UNC13A: variants seen among roughly 807,000 people sequenced by gnomAD.
UNC13A encodes unc-13 homolog A.
Under a neutral mutation model 219.7 loss-of-function variants are expected in UNC13A, and 61 were observed. The ratio of observed to expected loss-of-function variants is 0.28; its 90% CI spans 0.23 to 0.34. UNC13A has a LOEUF of 0.34. Among genes scored for constraint, UNC13A ranks in the 10% least tolerant of loss-of-function variants. The pLI is 1.00. For missense variants in UNC13A, 1,476 were observed against 2,270.3 expected (o/e 0.65, Z 7.11); for synonymous variants, 920 against 884.6 (o/e 1.04, Z -0.71).
At chr19:17,636,986 T>C (rs1325037165) in intron 25 of UNC13A, among the ~76,000 whole-genome samples, 1 of 152,042 alleles carries the variant, frequency 6.6e-6, no homozygotes, top group African/African-American at 2.4e-5. Context: ...TTTTTTTTTT[T>C]TCTTTCAAGA....
chr19:17,676,306 T>C, intron 1 of UNC13A: 1 of 600,392 alleles, frequency 1.7e-6, no homozygotes, highest in East Asian at 3.1e-5. Flanking sequence ...ATCAGACAGA[T>C]GAGCACAGGC....
At position 17,609,948 on chromosome 19, in the gene UNC13A, G is replaced by A. The variant is rs371037649; in HGVS notation, c.4803C>T (p.Ser1601=). 340 of 1,613,552 alleles carry A rather than the reference G, an allele frequency of 2.1e-4. No homozygotes were observed. Among genetic ancestry groups the A allele is most frequent in the Non-Finnish European group, 2.8e-4 (331 of 1,179,876 alleles). ...AAGCATCCCAAACTCACAACTGGAA[G>A]CTCTCATTGTACTTGGGAGCCCAGC... ...NNSWAPKYNE[S]FQFTLSADAG... The change falls in exon 43 of 44, where the codon AGC becomes AGT. Residue 1601 remains serine, a synonymous_variant. Coordinates refer to ENST00000519716, the MANE Select transcript of UNC13A (RefSeq NM_001080421.3).
intron 28 of UNC13A, among the ~76,000 whole-genome samples, chr19:17,631,184 T>TTCCCTCCCTCCCTCCC (rs2076846676): frequency 7.8e-5 from 2 of 25,492 alleles, no homozygotes; most frequent in Non-Finnish European, 1.7e-4. Context: ...CCTCCTTTCC[T>TTCCCTCCCTCCCTCCC]TCCTTCCCTC....
At chr19:17,633,846 TATCC>T (rs995553073) in intron 26 of UNC13A, among the ~76,000 whole-genome samples, 5 of 149,912 alleles carry the variant, frequency 3.3e-5, no homozygotes, top group African/African-American at 4.9e-5. Context: ...TTCATCCAAC[TATCC>T]ATCCATCCAC....
Position 17,649,717 on chromosome 19 carries a change from T to C in UNC13A, c.1440-130A>G, listed in dbSNP as rs572479522. 1.8e-5 allele frequency: 17 copies of C among 942,240 alleles called. No homozygotes were observed. The highest frequency in any genetic ancestry group is 2.5e-5 in the Non-Finnish European group (15 of 603,280). The allele number at this position is 942,240 out of a possible 1,614,324, so 58.4% of individuals were successfully genotyped here. Reference sequence around the variant, plus strand: ...GTCCCTCAAAAAAAAGATACGCTGATGCCCTAACCCCCACTACCTCAGAAG... The same window carrying C: ...GTCCCTCAAAAAAAAGATACGCTGACGCCCTAACCCCCACTACCTCAGAAG... On this transcript the variant is annotated intron_variant, in intron 12 of 43. Coordinates refer to ENST00000519716, the MANE Select transcript of UNC13A (RefSeq NM_001080421.3). This position sits in a 1 kb window ranked among gnomAD's most constrained non-coding sequence, Gnocchi z 4.4.
At chr19:17,632,507 G>A (rs113053839) in intron 28 of UNC13A, among the ~76,000 whole-genome samples, 120 of 152,238 alleles carry the variant, frequency 7.9e-4, no homozygotes, top group African/African-American at 2.7e-3. Context: ...TTTCTCCTCC[G>A]CAAAATAGGA....
In UNC13A at chr19:17,636,244, GAGGAA is replaced by G; in HGVS notation, c.3082-92_3082-88del. 10 of 1,427,906 alleles carry G rather than the reference GAGGAA, an allele frequency of 7.0e-6. No individual in the cohort carries two copies. The South Asian group carries it at 1.4e-4, about 20-fold the overall frequency. 88.5% of individuals were successfully genotyped at this position (1,427,906 alleles called of 1,614,324 possible). On this transcript the variant is annotated intron_variant, in intron 25 of 43. Transcript: ENST00000519716. ...TATTACTGAAGAACAAGAGGTTTTA[GAGGAA>G]TGCATCCCATCATCATGTGTATGGT...
chr19:17,617,507 C>T (rs1379836938), intron 41 of UNC13A, among the ~76,000 whole-genome samples, 195 bp downstream of exon 41: 1 of 152,190 alleles, frequency 6.6e-6, no homozygotes, highest in Non-Finnish European at 1.5e-5. Context: ...TGACGATCAC[C>T]TCCAGGCCTG....
At chr19:17,639,775 A>G in intron 23 of UNC13A, 65 bp downstream of exon 23, 1 of 1,575,074 alleles carries the variant, frequency 6.3e-7, no homozygotes, top group Non-Finnish European at 8.7e-7. Flanking sequence ...ACCTGCTGGT[A>G]GCTTTCCCCT....
intron 39 of UNC13A, 45 bp from the exon 40 acceptor site, chr19:17,618,546 C>A: frequency 6.5e-7 from 1 of 1,546,922 alleles, no homozygotes. Context: ...GTGGGCTCCA[C>A]CTTTGGAATC....
Position 17,605,986 on chromosome 19 carries a change from G to T in UNC13A, c.*68C>A, listed in dbSNP as rs1019639601. The T allele has an allele frequency of 4.4e-5, 60 of 1,352,374 alleles. No individual in the cohort carries two copies. The highest frequency in any genetic ancestry group is 3.6e-4 in the Admixed American group (9 of 24,752). 83.8% of individuals were successfully genotyped at this position (1,352,374 alleles called of 1,614,324 possible). A position where few individuals can be genotyped will look rare whatever the true frequency, so the allele number is the denominator to read the frequency against. ...GCCCCTGGGGAGGTCCCACCAAGGC[G>T]CAAGCCCCGTCCCTCCCCGCCCAGC... On this transcript the variant is annotated 3_prime_UTR_variant, in exon 44 of 44. Coordinates refer to ENST00000519716, the MANE Select transcript of UNC13A (RefSeq NM_001080421.3).
chr19:17,657,852 G>A (rs1428051021), intron 9 of UNC13A, among the ~76,000 whole-genome samples: 3 of 148,056 alleles, frequency 2.0e-5, no homozygotes, highest in Non-Finnish European at 4.5e-5. Context: ...CTGGGTGACA[G>A]AGCAAGACTC....
intron 41 of UNC13A, among the ~76,000 whole-genome samples, chr19:17,612,859 T>A (rs1006612771): frequency 1.4e-4 from 21 of 149,372 alleles, no homozygotes; most frequent in African/African-American, 5.2e-4. Flanking sequence ...AATTAAAAAA[T>A]AAATAAATAA....
chr19:17,640,769 TC>T, intron 21 of UNC13A, 108 bp from the exon 22 acceptor site: 1 of 1,201,276 alleles, frequency 8.3e-7, no homozygotes, highest in South Asian at 1.9e-5. Context: ...CTCTGTCACC[TC>T]CTAAACCATC....
At position 17,674,448 on chromosome 19, in the gene UNC13A, G is replaced by A. The variant is rs1200386197; in HGVS notation, c.152+209C>T. On this transcript the variant is annotated intron_variant, in intron 3 of 43. Transcript: ENST00000519716. This position sits in a 1 kb window ranked among gnomAD's most constrained non-coding sequence, Gnocchi z 5.0. ...AGGCCAGGGCGGAGGCTGGCGGGCAGCAGGGACTTGGCTGGTGGCTGCGGA... is the reference window on the plus strand; with the variant it reads ...AGGCCAGGGCGGAGGCTGGCGGGCAACAGGGACTTGGCTGGTGGCTGCGGA... Among the ~76,000 whole-genome samples the A allele has an allele frequency of 1.3e-5, 2 of 152,202 alleles. No individual in the cohort carries two copies. Among genetic ancestry groups the A allele is most frequent in the Admixed American group, 1.3e-4 (2 of 15,280 alleles).
chr19:17,608,042 C>T (rs998837717), intron 43 of UNC13A, among the ~76,000 whole-genome samples: 88 of 150,314 alleles, frequency 5.9e-4, no homozygotes, highest in African/African-American at 2.1e-3. Context: ...CCACCACACC[C>T]GGCTAATTTC....
chr19:17,613,702 C>CTTTTTTTTTTTT (rs1157023997), intron 41 of UNC13A: 9 of 124,244 alleles, frequency 7.2e-5, no homozygotes, highest in Non-Finnish European at 1.0e-4. Context: ...TCTTAAGTTT[C>CTTTTTTTTTTTT]TTTTTTTTTT....
At chr19:17,624,788 A>T (rs1318709744) in intron 35 of UNC13A, 41 bp downstream of exon 35, 2 of 1,587,294 alleles carry the variant, frequency 1.3e-6, no homozygotes, top group South Asian at 2.3e-5. Flanking sequence ...CTCGCCAGGG[A>T]GGTGGCCTAA....
chr19:17,643,883 A>C (rs1374868554), intron 19 of UNC13A, among the ~76,000 whole-genome samples: 1 of 151,924 alleles, frequency 6.6e-6, no homozygotes, highest in Non-Finnish European at 1.5e-5. Flanking sequence ...CACATCTTAG[A>C]CACTGTTCCT....
Sources: gnomAD v4.1 joint callset for allele counts (sites outside exome capture counted in the v4.1 genomes callset) on GRCh38, gnomAD v4.1.1 for gene constraint, Gnocchi (gnomAD v3.1) non-coding constraint, MANE v1.5 for transcripts, NCBI Gene and HGNC (gene_info 2026-07-23, HGNC 2026-07-21) for gene names.